MBD5: variants seen among roughly 807,000 people sequenced by gnomAD.
MBD5 encodes the protein methyl-CpG-binding domain protein 5.
A neutral mutation model predicts 117.3 loss-of-function variants in MBD5; 13 were observed. The ratio of observed to expected loss-of-function variants is 0.11; its 90% CI spans 0.07 to 0.18. The LOEUF (loss-of-function observed/expected upper bound fraction) is 0.18. MBD5 is among the 10% of genes least tolerant of loss of function. The probability of loss-of-function intolerance (pLI) is 1.00; values close to 1 mark genes in which losing one functional copy is unlikely to be tolerated. For synonymous variants in MBD5, 727 were observed against 766.4 expected (o/e 0.95, Z 0.85); for missense variants, 1,879 against 2,093.8 (o/e 0.90, Z 2.00).
At chr2:148,507,759 CAAA>C (rs546859373) in intron 12 of MBD5, among the ~76,000 whole-genome samples, 4 of 67,698 alleles carry the variant, frequency 5.9e-5, no homozygotes, top group African/African-American at 1.0e-4. Context: ...GACTCCGTCT[CAAA>C]AAAAAAAAAA....
intron 4 of MBD5, among the ~76,000 whole-genome samples, chr2:148,367,939 C>T (rs1209873671): frequency 6.6e-6 from 1 of 152,030 alleles, no homozygotes; most frequent in Admixed American, 6.6e-5. Flanking sequence ...AGGATCTAAA[C>T]CAGAAATACC....
chr2:148,047,403 C>T lies in MBD5; in HGVS notation c.-925+25719C>T, dbSNP rs143258532. ...AAATGGAGTACATTTTGCGTGGAGA[C>T]AGAGGAAGTTTTAAAAAGGATCATG... is the stretch of plus-strand genomic sequence containing the variant. On this transcript the variant is annotated intron_variant, in intron 1 of 13. Coordinates refer to ENST00000642680, the MANE Select transcript of MBD5 (RefSeq NM_001378120.1). Among the ~76,000 whole-genome samples the T allele has an allele frequency of 1.8e-4, 27 of 152,234 alleles. No individual in the cohort carries two copies. In the East Asian group the frequency reaches 4.8e-3, roughly 27 times the overall value.
At chr2:148,235,626 T>C (rs527675304) in intron 3 of MBD5, among the ~76,000 whole-genome samples, 1 of 152,304 alleles carries the variant, frequency 6.6e-6, no homozygotes, top group Non-Finnish European at 1.5e-5. Flanking sequence ...CTCAGAGATA[T>C]TGCAGGTTTG....
chr2:148,138,241 A>G (rs1183401444), intron 1 of MBD5, among the ~76,000 whole-genome samples: 1 of 152,204 alleles, frequency 6.6e-6, no homozygotes, highest in Non-Finnish European at 1.5e-5. Context: ...ATTTTTACAT[A>G]TCTTTCTCCT....
intron 1 of MBD5, among the ~76,000 whole-genome samples, chr2:148,107,675 T>G (rs948519318): frequency 2.0e-5 from 3 of 152,076 alleles, no homozygotes; most frequent in Non-Finnish European, 4.4e-5. Flanking sequence ...GAAATTTTTT[T>G]TTGAGTTCAT....
chr2:148,185,346 T>G (rs1558963047), intron 2 of MBD5, among the ~76,000 whole-genome samples: 1 of 152,162 alleles, frequency 6.6e-6, no homozygotes, highest in Non-Finnish European at 1.5e-5. Context: ...AGTTGGTCTT[T>G]GGAGAGGGAA....
chr2:148,394,139 C>T (rs1057379970), intron 4 of MBD5, among the ~76,000 whole-genome samples: 2 of 152,058 alleles, frequency 1.3e-5, no homozygotes, highest in African/African-American at 2.4e-5. Flanking sequence ...AAATTCACTG[C>T]GTGGCTATAT....
At chr2:148,317,984 C>T (rs905234316) in intron 3 of MBD5, among the ~76,000 whole-genome samples, 4 of 152,238 alleles carry the variant, frequency 2.6e-5, no homozygotes, top group African/African-American at 9.6e-5. Context: ...GGTGGAATTG[C>T]TAGGTTGAAT....
chr2:148,241,088 A>G (rs1453141458), intron 3 of MBD5, among the ~76,000 whole-genome samples: 1 of 151,278 alleles, frequency 6.6e-6, no homozygotes, highest in African/African-American at 2.4e-5. Context: ...ACTTTGGTTT[A>G]TATTTTTCTG....
At chr2:148,393,646 C>T (rs535241278) in intron 4 of MBD5, among the ~76,000 whole-genome samples, 3 of 152,148 alleles carry the variant, frequency 2.0e-5, no homozygotes, top group Non-Finnish European at 4.4e-5. Context: ...CCAGATATAC[C>T]AAATTTGAGG....
chr2:148,489,749 G>A lies in MBD5; in HGVS notation c.4117G>A (p.Val1373Ile), dbSNP rs1401616798. 8 of 1,614,072 alleles carry A rather than the reference G, an allele frequency of 5.0e-6. No individual in the cohort carries two copies. The highest frequency in any genetic ancestry group is 6.8e-6 in the Non-Finnish European group (8 of 1,180,052). ...TGACCCATTAAATCTCTCCAGTGCT[G>A]TCAGTGCGGTCATTCATGGACGGAA... ...IGDPLNLSSA[V>I]SAVIHGRNMG... The change falls in exon 11 of 14, where the codon GTC becomes ATC. Residue 1373 changes from valine to isoleucine, a missense_variant. Transcript: ENST00000642680.
At chr2:148,438,048 G>A (rs1381699089) in intron 4 of MBD5, among the ~76,000 whole-genome samples, 1 of 152,176 alleles carries the variant, frequency 6.6e-6, no homozygotes, top group South Asian at 2.1e-4. Context: ...GTCAACTTGT[G>A]ATAATGTACT....
intron 1 of MBD5, among the ~76,000 whole-genome samples, chr2:148,087,415 C>T (rs574499189): frequency 2.6e-5 from 4 of 152,290 alleles, no homozygotes; most frequent in East Asian, 1.9e-4. Context: ...AACCAGCATT[C>T]GAGAATGCTA....
In MBD5 at chr2:148,453,845, C is replaced by T. The variant is rs534064051; in HGVS notation, c.-556-4358C>T. Among the ~76,000 whole-genome samples the T allele has an allele frequency of 1.2e-4, 18 of 152,042 alleles. No homozygotes were observed. The East Asian group carries it at 2.3e-3, about 20-fold the overall frequency. On this transcript the variant is annotated intron_variant, in intron 4 of 13. Transcript: ENST00000642680. ...TTTTAATATTTAGCAAAAGAAGGCACGCATCAGTTTCAAAAGTTTAAGAAA... is the reference window on the plus strand; with the variant it reads ...TTTTAATATTTAGCAAAAGAAGGCATGCATCAGTTTCAAAAGTTTAAGAAA...
chr2:148,364,960 C>T (rs532496634), intron 4 of MBD5, among the ~76,000 whole-genome samples: 2 of 152,234 alleles, frequency 1.3e-5, no homozygotes, highest in South Asian at 2.1e-4. Flanking sequence ...ATATTCAGGA[C>T]GTGAACTCAG....
intron 8 of MBD5, 128 bp from the exon 9 acceptor site, chr2:148,482,982 A>T: frequency 1.0e-6 from 1 of 973,508 alleles, no homozygotes; most frequent in Non-Finnish European, 1.5e-6. Context: ...CAATTAATCT[A>T]GTTACAATCA....
intron 1 of MBD5, among the ~76,000 whole-genome samples, chr2:148,147,580 A>G: frequency 6.6e-6 from 1 of 152,126 alleles, no homozygotes. Context: ...TGTCAACTCT[A>G]AAAATTAGAT....
chr2:148,232,992 C>T (rs934956188), intron 2 of MBD5, among the ~76,000 whole-genome samples: 6 of 152,184 alleles, frequency 3.9e-5, no homozygotes, highest in Admixed American at 6.6e-5. Context: ...CTGACTATAA[C>T]GTTGTTTATT....
chr2:148,299,046 G>A (rs1701720491), intron 3 of MBD5, among the ~76,000 whole-genome samples: 1 of 152,042 alleles, frequency 6.6e-6, no homozygotes, highest in Admixed American at 6.6e-5. Context: ...GCTAGGCCAA[G>A]CCAGGCCCTT....
Sources: gnomAD v4.1 joint callset for allele counts (sites outside exome capture counted in the v4.1 genomes callset) on GRCh38, gnomAD v4.1.1 for gene constraint, MANE v1.5 for transcripts, NCBI Gene and HGNC (gene_info 2026-07-23, HGNC 2026-07-21) for gene names.